ERBB4: variants seen among roughly 807,000 people sequenced by gnomAD.
The protein encoded by ERBB4 is erb-b2 receptor tyrosine kinase 4.
A neutral mutation model predicts 158.0 loss-of-function variants in ERBB4; 42 were observed. The observed-to-expected ratio is 0.27, with a 90% confidence interval of 0.21 to 0.34. The LOEUF (loss-of-function observed/expected upper bound fraction) is 0.34. Ranked by LOEUF, ERBB4 falls within the 10% of genes least tolerant of loss-of-function variation. The pLI, the probability that ERBB4 is intolerant of heterozygous loss-of-function variation, is 1.00. For synonymous variants in ERBB4, 583 were observed against 558.7 expected (o/e 1.04, Z -0.61); for missense variants, 1,333 against 1,624.1 (o/e 0.82, Z 3.08).
chr2:212,079,366 T>G (rs546584892), intron 2 of ERBB4, among the ~76,000 whole-genome samples: 1 of 152,134 alleles, frequency 6.6e-6, no homozygotes, highest in South Asian at 2.1e-4. Flanking sequence ...GAATTCACGA[T>G]AGCTAAAACA....
intron 1 of ERBB4, among the ~76,000 whole-genome samples, chr2:212,464,081 C>T (rs1026885278): frequency 3.3e-5 from 5 of 152,028 alleles, no homozygotes; most frequent in African/African-American, 7.2e-5. Context: ...ATTAGTTATG[C>T]GTGAGAGGGT....
At chr2:212,251,934 C>T (rs889163160) in intron 1 of ERBB4, among the ~76,000 whole-genome samples, 4 of 151,874 alleles carry the variant, frequency 2.6e-5, no homozygotes, top group Non-Finnish European at 4.4e-5. Context: ...AGGGTAAAAA[C>T]AAGACTAGAC....
chr2:212,042,470 T>C (rs1158411639), intron 2 of ERBB4, among the ~76,000 whole-genome samples: 1 of 152,128 alleles, frequency 6.6e-6, no homozygotes, highest in Non-Finnish European at 1.5e-5. Flanking sequence ...CATGCACGAT[T>C]GTGTAGCTAA....
intron 25 of ERBB4, among the ~76,000 whole-genome samples, chr2:211,405,323 T>C (rs1009078866): frequency 1.3e-5 from 2 of 152,128 alleles, no homozygotes; most frequent in Non-Finnish European, 2.9e-5. Flanking sequence ...TAAAATTGTA[T>C]CTAATGCTCA....
chr2:211,700,959 C>T (rs1282357623), intron 12 of ERBB4, among the ~76,000 whole-genome samples: 1 of 152,066 alleles, frequency 6.6e-6, no homozygotes, highest in Non-Finnish European at 1.5e-5. Flanking sequence ...AATAGTGGCA[C>T]TCATAGGATG....
chr2:212,353,948 T>G (rs2089363535), intron 1 of ERBB4, among the ~76,000 whole-genome samples: 1 of 152,152 alleles, frequency 6.6e-6, no homozygotes, highest in Non-Finnish European at 1.5e-5. Context: ...AGTCCACATG[T>G]GCTAGATGGT....
At chr2:211,550,479 T>C (rs886532501) in intron 20 of ERBB4, among the ~76,000 whole-genome samples, 1 of 150,972 alleles carries the variant, frequency 6.6e-6, no homozygotes, top group Non-Finnish European at 1.5e-5. Context: ...GGAGAAGACT[T>C]GTCTTTCAGC....
In ERBB4 at chr2:212,116,824, T is replaced by C. The variant is rs113872472; in HGVS notation, c.234+7928A>G. 7.0e-3 allele frequency among the ~76,000 whole-genome samples: 1,066 copies of C among 152,274 alleles called. 7 individuals are homozygous for C. The highest frequency in any genetic ancestry group is 0.024 in the Middle Eastern group (7 of 294). ...TTAAATAAATGCCAAATAAAGAATA[T>C]AGACCTTTTTTATCCTTTGATTTAT... On this transcript the variant is annotated intron_variant, in intron 2 of 27. Coordinates refer to ENST00000342788, the MANE Select transcript of ERBB4 (RefSeq NM_005235.3).
chr2:212,005,350 T>G (rs765515187), intron 2 of ERBB4, among the ~76,000 whole-genome samples: 5 of 152,110 alleles, frequency 3.3e-5, no homozygotes, highest in African/African-American at 4.8e-5. Flanking sequence ...CATAAATCAT[T>G]TTTAACTATA....
chr2:211,388,109 G>A, intron 25 of ERBB4, 117 bp from the exon 26 acceptor site: 1 of 774,280 alleles, frequency 1.3e-6, no homozygotes, highest in Non-Finnish European at 2.3e-6. Context: ...AGGGGAAAAA[G>A]TGCACAACAG....
At chr2:212,042,020 T>A (rs1479794263) in intron 2 of ERBB4, among the ~76,000 whole-genome samples, 1 of 152,062 alleles carries the variant, frequency 6.6e-6, no homozygotes, top group Non-Finnish European at 1.5e-5. Context: ...TGCCAAGAGG[T>A]TGCTTCCACG....
At chr2:212,519,212 T>C (rs1003650431) in intron 1 of ERBB4, among the ~76,000 whole-genome samples, 1 of 152,046 alleles carries the variant, frequency 6.6e-6, no homozygotes, top group Non-Finnish European at 1.5e-5. Context: ...CATCCCTGAA[T>C]TGTTTCTTAA....
chr2:212,138,713 T>A (rs1043957924), intron 1 of ERBB4, among the ~76,000 whole-genome samples: 1 of 152,204 alleles, frequency 6.6e-6, no homozygotes, highest in East Asian at 1.9e-4. Context: ...TCTTTTAGTA[T>A]ATATTTAACT....
intron 3 of ERBB4, among the ~76,000 whole-genome samples, chr2:211,878,652 G>GTGTT (rs1553653623): frequency 2.0e-5 from 2 of 99,164 alleles, no homozygotes; most frequent in Non-Finnish European, 4.0e-5. Flanking sequence ...GACAAATTAA[G>GTGTT]TTTTGTTTTT....
chr2:211,505,596 T>A (rs555372504), intron 20 of ERBB4, among the ~76,000 whole-genome samples: 43 of 145,002 alleles, frequency 3.0e-4, no homozygotes, highest in African/African-American at 1.0e-3. Context: ...ACAAACAAAC[T>A]ATGACAGGAA....
intron 3 of ERBB4, among the ~76,000 whole-genome samples, chr2:211,902,034 A>G (rs1406691708): frequency 2.0e-5 from 3 of 151,068 alleles, no homozygotes; most frequent in Admixed American, 1.3e-4. Context: ...TTTTTTTTTT[A>G]GTTAGAAAGC....
At position 211,721,620 on chromosome 2, in the gene ERBB4, C is replaced by CATATATATATATAT. The variant is rs71054137; in HGVS notation, c.883+759_883+772dup. Among the ~76,000 whole-genome samples the CATATATATATATAT allele has an allele frequency of 6.2e-3, 819 of 131,754 alleles. 16 individuals are homozygous for CATATATATATATAT. Among genetic ancestry groups the CATATATATATATAT allele is most frequent in the African/African-American group, 0.02 (644 of 31,976 alleles). The allele number at this position is 131,754 out of a possible 152,430, so 86.4% of individuals were successfully genotyped here. ...TATTTAAGGTTAATTTGCTATTAAA[C>CATATATATATATAT]ATATATATATATATATATATATATA... On this transcript the variant is annotated intron_variant, in intron 7 of 27. Coordinates refer to ENST00000342788, the MANE Select transcript of ERBB4 (RefSeq NM_005235.3).
At chr2:212,306,984 C>T (rs1004526365) in intron 1 of ERBB4, among the ~76,000 whole-genome samples, 1 of 151,202 alleles carries the variant, frequency 6.6e-6, no homozygotes, top group Non-Finnish European at 1.5e-5. Flanking sequence ...TCCTGAAATA[C>T]TTCCAAAAAC....
At chr2:212,505,938 T>C (rs958218824) in intron 1 of ERBB4, among the ~76,000 whole-genome samples, 5 of 148,734 alleles carry the variant, frequency 3.4e-5, no homozygotes, top group African/African-American at 1.2e-4. Context: ...GTGCTTCACT[T>C]TATTGTGCCT....
Sources: gnomAD v4.1 joint callset for allele counts (sites outside exome capture counted in the v4.1 genomes callset) on GRCh38, gnomAD v4.1.1 for gene constraint, MANE v1.5 for transcripts, NCBI Gene and HGNC (gene_info 2026-07-23, HGNC 2026-07-21) for gene names.